Variants in DLG2 observed in about 807,000 individuals in gnomAD.
The protein encoded by DLG2 is disks large homolog 2.
Under a neutral mutation model 132.5 loss-of-function variants are expected in DLG2, and 45 were observed. The observed-to-expected ratio is 0.34, with a 90% CI of 0.27 to 0.44. DLG2 has a LOEUF of 0.44. Ranked by LOEUF, DLG2 falls within the 20% of genes least tolerant of loss-of-function variation. DLG2 has a pLI of 1.00. For synonymous variants in DLG2, 424 were observed against 419.6 expected (o/e 1.01, Z -0.13); for missense variants, 1,045 against 1,196.9 (o/e 0.87, Z 1.87).
At chr11:84,624,058 T>C (rs2099618208) in intron 6 of DLG2, among the ~76,000 whole-genome samples, 1 of 152,156 alleles carries the variant, frequency 6.6e-6, no homozygotes, top group South Asian at 2.1e-4. Context: ...TAACAGAAAA[T>C]CTTTGAATAA....
At chr11:84,700,862 C>T (rs1002710521) in intron 6 of DLG2, among the ~76,000 whole-genome samples, 10 of 151,628 alleles carry the variant, frequency 6.6e-5, no homozygotes, top group Non-Finnish European at 1.0e-4. Context: ...TGACTTCTTG[C>T]CCAACCTTGA....
intron 15 of DLG2, among the ~76,000 whole-genome samples, chr11:83,927,165 T>G (rs1446585202): frequency 6.6e-6 from 1 of 152,144 alleles, no homozygotes; most frequent in Non-Finnish European, 1.5e-5. Flanking sequence ...CAGATTTTAT[T>G]TCCATGTTTA....
At chr11:85,504,149 C>A (rs1186407357) in intron 3 of DLG2, among the ~76,000 whole-genome samples, 4 of 152,000 alleles carry the variant, frequency 2.6e-5, no homozygotes, top group Non-Finnish European at 5.9e-5. Context: ...AAATTTTCTC[C>A]CATTCTGTAG....
At chr11:83,584,579 G>C in intron 19 of DLG2, among the ~76,000 whole-genome samples, 1 of 152,190 alleles carries the variant, frequency 6.6e-6, no homozygotes, top group Non-Finnish European at 1.5e-5. Context: ...AGGATTGTGT[G>C]ATGAATAATA....
At chr11:83,980,886 G>A (rs1235103011) in intron 11 of DLG2, among the ~76,000 whole-genome samples, 1 of 152,184 alleles carries the variant, frequency 6.6e-6, no homozygotes, top group Non-Finnish European at 1.5e-5. Flanking sequence ...TTTCCAGACT[G>A]TATGCCTAAC....
intron 8 of DLG2, among the ~76,000 whole-genome samples, chr11:84,195,470 C>G (rs2096498382): frequency 1.3e-5 from 2 of 152,044 alleles, no homozygotes; most frequent in Non-Finnish European, 2.9e-5. Context: ...AGCCTTGCCT[C>G]TACTCTTCTC....
At chr11:84,283,942 CA>C (rs113907500) in intron 7 of DLG2, among the ~76,000 whole-genome samples, 12,376 of 151,920 alleles carry the variant, frequency 0.081, 565 homozygotes, top group Non-Finnish European at 0.1. Context: ...CTCTTAAAAA[CA>C]AAAAAACAAA....
intron 6 of DLG2, among the ~76,000 whole-genome samples, chr11:84,847,916 C>A (rs1447237042): frequency 1.3e-5 from 2 of 152,002 alleles, no homozygotes; most frequent in African/African-American, 4.8e-5. Flanking sequence ...ATTATATAAG[C>A]TTAGACTGGG....
chr11:85,121,172 C>T (rs1212541696), intron 5 of DLG2, among the ~76,000 whole-genome samples: 1 of 151,960 alleles, frequency 6.6e-6, no homozygotes, highest in East Asian at 1.9e-4. Context: ...CTGTGAACCT[C>T]TTCCTAGACA....
chr11:83,916,685 A>G (rs1308548391), intron 15 of DLG2, among the ~76,000 whole-genome samples: 2 of 152,178 alleles, frequency 1.3e-5, no homozygotes, highest in Non-Finnish European at 2.9e-5. Flanking sequence ...GTATAAAGTG[A>G]AGGATAATTT....
intron 18 of DLG2, among the ~76,000 whole-genome samples, chr11:83,680,169 A>C (rs2078520108): frequency 6.6e-6 from 1 of 152,152 alleles, no homozygotes; most frequent in African/African-American, 2.4e-5. Context: ...AGAAAATAGA[A>C]AAACCACCAC....
intron 10 of DLG2, among the ~76,000 whole-genome samples, chr11:84,089,073 G>C (rs189815658): frequency 9.9e-5 from 15 of 152,186 alleles, no homozygotes; most frequent in African/African-American, 3.4e-4. Flanking sequence ...TGACTTGTGG[G>C]GTTTTTTTAT....
At chr11:85,433,415 G>C (rs1416774937) in intron 3 of DLG2, among the ~76,000 whole-genome samples, 1 of 152,110 alleles carries the variant, frequency 6.6e-6, no homozygotes, top group Non-Finnish European at 1.5e-5. Flanking sequence ...GTATTCAAGA[G>C]ACCCATTTCA....
chr11:85,412,721 T>C (rs1431282358), intron 3 of DLG2, among the ~76,000 whole-genome samples: 1 of 92,788 alleles, frequency 1.1e-5, no homozygotes, highest in Non-Finnish European at 2.2e-5. Context: ...GGCTGAGCAG[T>C]ATTTCACACA....
At chr11:83,750,853 G>A (rs1369937570) in intron 18 of DLG2, among the ~76,000 whole-genome samples, 1 of 152,140 alleles carries the variant, frequency 6.6e-6, no homozygotes, top group Non-Finnish European at 1.5e-5. Flanking sequence ...TTACAGTCCA[G>A]ATATGGAGTA....
At chr11:84,763,913 G>A (rs927797563) in intron 6 of DLG2, among the ~76,000 whole-genome samples, 1 of 151,902 alleles carries the variant, frequency 6.6e-6, no homozygotes, top group Non-Finnish European at 1.5e-5. Flanking sequence ...TGGGGTGAGG[G>A]GCTACATCAG....
At chr11:84,324,038 T>G (rs2098418843) in intron 7 of DLG2, among the ~76,000 whole-genome samples, 1 of 152,156 alleles carries the variant, frequency 6.6e-6, no homozygotes, top group East Asian at 1.9e-4. Context: ...TCGTTTCTTT[T>G]GCTCTGTAGA....
intron 6 of DLG2, among the ~76,000 whole-genome samples, chr11:84,544,617 A>G (rs2099385939): frequency 6.6e-6 from 1 of 152,202 alleles, no homozygotes; most frequent in South Asian, 2.1e-4. Context: ...TGGTTATACT[A>G]CTTGCTATCT....
At chr11:84,848,121 A>T (rs1429547827) in intron 6 of DLG2, among the ~76,000 whole-genome samples, 1 of 152,174 alleles carries the variant, frequency 6.6e-6, no homozygotes, top group Non-Finnish European at 1.5e-5. Flanking sequence ...GAGCACAACT[A>T]TTCTCTAATC....
Sources: allele counts gnomAD v4.1 joint callset (sites outside exome capture counted in the v4.1 genomes callset), GRCh38; gene constraint gnomAD v4.1.1; transcripts MANE v1.5; gene names NCBI Gene and HGNC (gene_info 2026-07-23, HGNC 2026-07-21).